The following MYO19 variants were observed in gnomAD, a reference collection of about 807,000 sequenced individuals.
The protein encoded by MYO19 is unconventional myosin-XIX.
A neutral mutation model predicts 129.2 loss-of-function variants in MYO19; 132 were observed. The observed-to-expected ratio is 1.02, with a 90% CI of 0.89 to 1.18. The LOEUF (loss-of-function observed/expected upper bound fraction) is 1.18, where lower values mean the gene tolerates loss of function less well. Ranked by LOEUF, MYO19 falls within the 50% of genes most tolerant of loss-of-function variation. The pLI, the probability that MYO19 is intolerant of heterozygous loss-of-function variation, is 0.00. For synonymous variants in MYO19, 531 were observed against 477.2 expected, an observed-to-expected ratio of 1.11 and a Z score of -1.47; for missense variants, 1,210 against 1,216.7, an observed-to-expected ratio of 0.99 and a Z score of 0.08.
chr17:36,528,309 C>A lies in MYO19; in HGVS notation c.13-107G>T, dbSNP rs977125878. ...AGGACACAAAGTGAGGAGATCGAGA[C>A]CATCCTGGTTAACACGGTGAAACCC... is the stretch of plus-strand genomic sequence containing the variant. On this transcript the variant is annotated intron_variant, in intron 3 of 25. Transcript: ENST00000614623. The A allele has an allele frequency of 3.3e-5, 40 of 1,228,732 alleles. No individual in the cohort carries two copies. In the South Asian group the frequency reaches 5.8e-4, roughly 18 times the overall value. The allele number at this position is 1,228,732 out of a possible 1,614,324, so 76.1% of individuals were successfully genotyped here. A position where few individuals can be genotyped will look rare whatever the true frequency, so the allele number is the denominator to read the frequency against.
upstream of MYO19, chr17:36,537,232 A>G (rs1409685480): frequency 6.2e-7 from 1 of 1,614,088 alleles, no homozygotes; most frequent in South Asian, 1.1e-5. Context: ...ATTTTCTCAC[A>G]GTACTTGTGT....
intron 25 of MYO19, chr17:36,497,514 G>T: frequency 2.0e-6 from 2 of 984,564 alleles, no homozygotes; most frequent in Non-Finnish European, 2.4e-6. Context: ...TCAAGTCTTG[G>T]GTAGTTTCTT....
chr17:36,500,416 T>C (rs183770167), intron 23 of MYO19: 6 of 174,364 alleles, frequency 3.4e-5, no homozygotes, highest in African/African-American at 1.2e-4. Flanking sequence ...ACTATGAACA[T>C]GTTGGTTAAT....
rs923972776 is a variant in MYO19, at chr17:36,496,338, G to C, written c.2826C>G (p.Pro942=). 12 of 1,613,986 alleles carry C rather than the reference G, an allele frequency of 7.4e-6. No individual in the cohort carries two copies. The highest frequency in any genetic ancestry group is 1.0e-5 in the Non-Finnish European group (12 of 1,179,880). The change falls in exon 26 of 26, where the codon CCC becomes CCG. Residue 942 remains proline (P), a synonymous_variant. Coordinates refer to ENST00000614623, the MANE Select transcript of MYO19 (RefSeq NM_001163735.2). Reference sequence around the variant, plus strand: ...TCTGATTAAAGCCTGTAATGCTGTAGGGTGAAGGTTCAGGGCAGATGTCAG... The same window carrying C: ...TCTGATTAAAGCCTGTAATGCTGTACGGTGAAGGTTCAGGGCAGATGTCAG... ...RYADICPEPS[P]YSITGFNQIL...
In MYO19 at chr17:36,515,124, G is replaced by C. The variant is rs201522618; in HGVS notation, c.606C>G (p.Leu202=). Residue 202 remains leucine (L), a synonymous_variant, in exon 8 of 26, where the codon CTC becomes CTG. Coordinates refer to ENST00000614623, the MANE Select transcript of MYO19 (RefSeq NM_001163735.2). ...ACAGCAGCTATTACCTGTTCAGCTGGAGCTGGATGAACTTCCCAAAGCGAC... is the reference window on the plus strand; with the variant it reads ...ACAGCAGCTATTACCTGTTCAGCTGCAGCTGGATGAACTTCCCAAAGCGAC... ...NSSRFGKFIQ[L]QLNRAQQMTG... 1,159 of 1,609,550 alleles carry C rather than the reference G, an allele frequency of 7.2e-4. 3 individuals carry two copies. Among genetic ancestry groups the C allele is most frequent in the Non-Finnish European group, 9.5e-4 (1,118 of 1,177,952 alleles).
In MYO19 at chr17:36,498,473, C is replaced by T. The variant is rs768916037; in HGVS notation, c.2550G>A (p.Ser850=). ...FSQAPCSLST[S]PLQTRLLEAI... is the part of the protein sequence containing the mutation. ...CCTCCAGGAGCCTGGTCTGCAGCGG[C>T]GAGGTGCTCAGGGAACAGGGAGCTT... The change falls in exon 25 of 26, where the codon TCG becomes TCA. Residue 850 remains serine (S), a synonymous_variant. Coordinates refer to ENST00000614623, the MANE Select transcript of MYO19 (RefSeq NM_001163735.2). The T allele has an allele frequency of 8.7e-6, 14 of 1,613,916 alleles. No individual in the cohort carries two copies. Among genetic ancestry groups the T allele is most frequent in the African/African-American group, 4.0e-5 (3 of 74,926 alleles).
chr17:36,516,017 C>T (rs967536810), intron 6 of MYO19, 27 bp from the exon 7 acceptor site: 7 of 1,594,504 alleles, frequency 4.4e-6, no homozygotes, highest in Middle Eastern at 1.8e-4. Flanking sequence ...CCTGTGGGAG[C>T]TGTATCTATG....
At chr17:36,523,937 A>C (rs2073303439) in intron 6 of MYO19, among the ~76,000 whole-genome samples, 1 of 152,216 alleles carries the variant, frequency 6.6e-6, no homozygotes. Flanking sequence ...TTTTCTTTAT[A>C]AGCCTTGTAG....
At position 36,506,486 on chromosome 17, in the gene MYO19, G is replaced by A. The variant is rs2071894336; in HGVS notation, c.1767C>T (p.Ala589=). 1 of 1,613,488 alleles carries A rather than the reference G, an allele frequency of 6.2e-7. No individual in the cohort carries two copies. The highest frequency in any genetic ancestry group is 1.3e-5 in the African/African-American group (1 of 74,974). Residue 589 remains alanine (A), a synonymous_variant, in exon 18 of 26, where the codon GCC becomes GCT. Transcript: ENST00000614623. ...TQEEPPGQSR[A]PVLTVVSKFK... ...ACTTGGACACCACGGTCAACACAGG[G>A]GCCCTGCTCTGGCCAGGGGGTTCCT...
chr17:36,524,433 G>A (rs1326984726), intron 6 of MYO19, among the ~76,000 whole-genome samples: 2 of 152,244 alleles, frequency 1.3e-5, no homozygotes, highest in African/African-American at 4.8e-5. Context: ...GAAGGTAAAA[G>A]TGTTGTGGAA....
chr17:36,532,036 G>C (rs879456191), intron 3 of MYO19, among the ~76,000 whole-genome samples: 1 of 152,142 alleles, frequency 6.6e-6, no homozygotes, highest in Non-Finnish European at 1.5e-5. Context: ...GAGACATGGG[G>C]ATCATGTAAC....
intron 6 of MYO19, among the ~76,000 whole-genome samples, chr17:36,523,182 C>CAAAAAA (rs34403651): frequency 1.4e-4 from 14 of 103,380 alleles, no homozygotes; most frequent in East Asian, 5.4e-4. Flanking sequence ...AACCCTGTCT[C>CAAAAAA]AAAAAAAAAA....
rs1385131576 is a variant in MYO19, at chr17:36,500,444, G to A, written c.2377+386C>T. 3 of 197,772 alleles carry A rather than the reference G, an allele frequency of 1.5e-5. No individual in the cohort carries two copies. In the Admixed American group the frequency reaches 1.6e-4, roughly 11 times the overall value. 12.3% of individuals were successfully genotyped at this position (197,772 alleles called of 1,614,324 possible). On this transcript the variant is annotated intron_variant, in intron 23 of 25. Coordinates refer to ENST00000614623, the MANE Select transcript of MYO19 (RefSeq NM_001163735.2). Reference sequence around the variant, plus strand: ...TGGTTAATACATCTTTTCATCTGATGAACTCCTTTTGGTTTTTACCTTCTC... The same window carrying A: ...TGGTTAATACATCTTTTCATCTGATAAACTCCTTTTGGTTTTTACCTTCTC...
chr17:36,496,031 G>GT lies in MYO19; in HGVS notation c.*219dup. ...CCTGATGTTTCTTAACCCTGATTTG[G>GT]TAACTACCAGCCCTGACACCATCAG... is the stretch of plus-strand genomic sequence containing the variant. On this transcript the variant is annotated 3_prime_UTR_variant, in exon 26 of 26. Transcript: ENST00000614623. The GT allele has an allele frequency of 3.8e-6, 3 of 781,286 alleles. No individual in the cohort carries two copies. The highest frequency in any genetic ancestry group is 5.7e-6 in the Non-Finnish European group (3 of 527,032). The allele number at this position is 781,286 out of a possible 1,614,324, so 48.4% of individuals were successfully genotyped here.
At chr17:36,521,863 T>G (rs2073147390) in intron 6 of MYO19, among the ~76,000 whole-genome samples, 1 of 151,466 alleles carries the variant, frequency 6.6e-6, no homozygotes, top group African/African-American at 2.4e-5. Flanking sequence ...AAACCCCATC[T>G]CTACTAAAAA....
chr17:36,540,248 A>T (rs2142628968), intron 2 of MYO19, among the ~76,000 whole-genome samples: 1 of 152,200 alleles, frequency 6.6e-6, no homozygotes, highest in South Asian at 2.1e-4. Flanking sequence ...AAAAATAGAG[A>T]TGGGGTTGCC....
At chr17:36,506,652 T>G (rs766968429) in intron 17 of MYO19, 44 bp from the exon 18 acceptor site, 10 of 1,509,684 alleles carry the variant, frequency 6.6e-6, no homozygotes, top group Non-Finnish European at 8.8e-6. Context: ...AGGTGGAGCT[T>G]CTGCTCAGGG....
chr17:36,525,456 C>T, intron 5 of MYO19, 115 bp from the exon 6 acceptor site: 1 of 764,646 alleles, frequency 1.3e-6, no homozygotes, highest in Non-Finnish European at 2.2e-6. Context: ...GATGCTTCCT[C>T]CAGAAAAATT....
chr17:36,516,569 A>G (rs562959451), intron 6 of MYO19, among the ~76,000 whole-genome samples: 88 of 152,242 alleles, frequency 5.8e-4, no homozygotes, highest in African/African-American at 2.1e-3. Context: ...ACGGGGTTTC[A>G]CCATGTTGGT....
Sources: gnomAD v4.1 joint callset for allele counts (sites outside exome capture counted in the v4.1 genomes callset) on GRCh38, gnomAD v4.1.1 for gene constraint, MANE v1.5 for transcripts, NCBI Gene and HGNC (gene_info 2026-07-23, HGNC 2026-07-21) for gene names.